IMMP2L: variants seen among roughly 807,000 people sequenced by gnomAD.
The protein encoded by IMMP2L is mitochondrial inner membrane protease subunit 2.
A neutral mutation model predicts 19.3 loss-of-function variants in IMMP2L; 18 were observed. The observed-to-expected ratio is 0.93, with a 90% CI of 0.64 to 1.38. The LOEUF is 1.38. IMMP2L is among the 40% of genes most tolerant of loss of function. IMMP2L has a pLI of 0.00. For missense variants in IMMP2L, 233 were observed against 218.2 expected, an observed-to-expected ratio of 1.07 and a Z score of -0.43; for synonymous variants, 76 against 73.0, an observed-to-expected ratio of 1.04 and a Z score of -0.21.
At chr7:111,326,027 CTG>C (rs1339410464) in intron 3 of IMMP2L, among the ~76,000 whole-genome samples, 2 of 151,662 alleles carry the variant, frequency 1.3e-5, no homozygotes, top group Non-Finnish European at 2.9e-5. Flanking sequence ...GTAAAACATG[CTG>C]TGTTTAAATT....
intron 3 of IMMP2L, among the ~76,000 whole-genome samples, chr7:111,447,766 T>C (rs985818785): frequency 6.6e-6 from 1 of 151,518 alleles, no homozygotes; most frequent in Non-Finnish European, 1.5e-5. Flanking sequence ...GACTGGCAAG[T>C]TGGATAAAGA....
chr7:110,986,107 T>C (rs1463099097), intron 3 of IMMP2L, among the ~76,000 whole-genome samples: 2 of 152,210 alleles, frequency 1.3e-5, no homozygotes, highest in South Asian at 2.1e-4. Context: ...TAGATGTGCG[T>C]TGGCAAATCC....
At chr7:110,825,962 A>G (rs1431189072) in intron 5 of IMMP2L, among the ~76,000 whole-genome samples, 1 of 152,204 alleles carries the variant, frequency 6.6e-6, no homozygotes, top group East Asian at 1.9e-4. Context: ...TATATCCAGA[A>G]TCTAGAAAGT....
intron 3 of IMMP2L, among the ~76,000 whole-genome samples, chr7:111,174,474 C>T (rs1029545758): frequency 6.6e-6 from 1 of 151,668 alleles, no homozygotes; most frequent in African/African-American, 2.4e-5. Context: ...ATATTTTCAG[C>T]TCCTACCTCA....
At chr7:111,316,041 G>A (rs1280854898) in intron 3 of IMMP2L, among the ~76,000 whole-genome samples, 3 of 152,030 alleles carry the variant, frequency 2.0e-5, no homozygotes, top group East Asian at 1.9e-4. Flanking sequence ...CTACAATCCT[G>A]TACAGCATGT....
chr7:110,681,373 A>G (rs933290653), intron 5 of IMMP2L, among the ~76,000 whole-genome samples: 1 of 152,052 alleles, frequency 6.6e-6, no homozygotes, highest in African/African-American at 2.4e-5. Flanking sequence ...TACCCTAGGG[A>G]AAAGTGAGGT....
chr7:111,141,543 C>T lies in IMMP2L; in HGVS notation c.240-177978G>A, dbSNP rs576880201. Among the ~76,000 whole-genome samples the T allele has an allele frequency of 7.3e-5, 11 of 151,724 alleles. No individual in the cohort carries two copies. The East Asian group carries it at 2.1e-3, about 29-fold the overall frequency. ...TCTATCTACCTACAATAATTTATTCCCAAACTGTCTATAGAATTATAAATC... is the reference window on the plus strand; with the variant it reads ...TCTATCTACCTACAATAATTTATTCTCAAACTGTCTATAGAATTATAAATC... On this transcript the variant is annotated intron_variant, in intron 3 of 5. Coordinates refer to ENST00000405709, the MANE Select transcript of IMMP2L (RefSeq NM_032549.4).
chr7:111,548,025 C>G (rs1174480284), intron 1 of IMMP2L, among the ~76,000 whole-genome samples: 1 of 151,934 alleles, frequency 6.6e-6, no homozygotes, highest in East Asian at 1.9e-4. Flanking sequence ...CCTGGCCCAT[C>G]CTGCTTTCAA....
At chr7:111,142,332 A>T (rs887010526) in intron 3 of IMMP2L, among the ~76,000 whole-genome samples, 2 of 68,194 alleles carry the variant, frequency 2.9e-5, no homozygotes, top group African/African-American at 1.1e-4. Context: ...TCTCAAAAAA[A>T]AAAAAAAAAA....
In IMMP2L at chr7:111,518,530, T is replaced by C. The variant is rs555169739; in HGVS notation, c.135+2783A>G. On this transcript the variant is annotated intron_variant, in intron 2 of 5. Transcript: ENST00000405709. ...AGAGATCTCCACACCATGCCAACTA[T>C]TTCAGTCCTTGAGTCATTAGAGAAA... Among the ~76,000 whole-genome samples the C allele has an allele frequency of 4.6e-4, 70 of 152,132 alleles. 1 individual carries two copies. Among genetic ancestry groups the C allele is most frequent in the Non-Finnish European group, 7.9e-4 (54 of 68,010 alleles).
chr7:111,155,546 T>A (rs546079998), intron 3 of IMMP2L, among the ~76,000 whole-genome samples: 2 of 152,120 alleles, frequency 1.3e-5, no homozygotes, highest in African/African-American at 4.8e-5. Context: ...TCAATAAAAA[T>A]TTTTTCACTA....
intron 3 of IMMP2L, among the ~76,000 whole-genome samples, chr7:111,283,970 CAAAAAAAAA>C (rs972346409): frequency 6.2e-5 from 3 of 48,618 alleles, no homozygotes; most frequent in Non-Finnish European, 8.6e-5. Context: ...GACTCCGTCT[CAAAAAAAAA>C]AAAAAAAAAA....
At chr7:111,550,009 A>C (rs878876674) in intron 1 of IMMP2L, among the ~76,000 whole-genome samples, 2 of 152,030 alleles carry the variant, frequency 1.3e-5, no homozygotes, top group Admixed American at 1.3e-4. Context: ...AACTGATTCA[A>C]ACTGCCCTCA....
At chr7:111,299,070 G>A (rs1034194083) in intron 3 of IMMP2L, among the ~76,000 whole-genome samples, 3 of 152,082 alleles carry the variant, frequency 2.0e-5, no homozygotes, top group African/African-American at 7.2e-5. Flanking sequence ...CTCACTATTT[G>A]TCTTGAATTA....
intron 3 of IMMP2L, among the ~76,000 whole-genome samples, chr7:111,130,621 C>G (rs1801755752): frequency 6.6e-6 from 1 of 152,014 alleles, no homozygotes; most frequent in Non-Finnish European, 1.5e-5. Context: ...CCTCTTAATC[C>G]TCACATTGAG....
At chr7:111,105,850 A>C (rs1798491735) in intron 3 of IMMP2L, among the ~76,000 whole-genome samples, 1 of 151,910 alleles carries the variant, frequency 6.6e-6, no homozygotes, top group African/African-American at 2.4e-5. Flanking sequence ...CTTTTATAGC[A>C]TCCCCACTTT....
chr7:111,287,989 T>C (rs1820681503), intron 3 of IMMP2L, among the ~76,000 whole-genome samples: 1 of 152,194 alleles, frequency 6.6e-6, no homozygotes, highest in Non-Finnish European at 1.5e-5. Context: ...AATAATGAAA[T>C]GCCTTGCATA....
In IMMP2L at chr7:110,705,301, T is replaced by A. The variant is rs1736186533; in HGVS notation, c.409-41580A>T. On this transcript the variant is annotated intron_variant, in intron 5 of 5. Coordinates refer to ENST00000405709, the MANE Select transcript of IMMP2L (RefSeq NM_032549.4). ...TTCTAGTATACTAGAATGTTTTAGG[T>A]GAACAAAGAGTAAACACATGATTAT... Among the ~76,000 whole-genome samples the A allele has an allele frequency of 3.9e-5, 6 of 152,018 alleles. No homozygotes were observed. The South Asian group carries it at 1.2e-3, about 32-fold the overall frequency.
intron 3 of IMMP2L, among the ~76,000 whole-genome samples, chr7:111,287,356 A>AGGG (rs1820604607): frequency 1.3e-5 from 2 of 152,194 alleles, no homozygotes; most frequent in Admixed American, 1.3e-4. Context: ...TCAGGAAAAC[A>AGGG]TCTGCAAACC....
Sources: gnomAD v4.1 joint callset for allele counts (sites outside exome capture counted in the v4.1 genomes callset) on GRCh38, gnomAD v4.1.1 for gene constraint, MANE v1.5 for transcripts, NCBI Gene and HGNC (gene_info 2026-07-23, HGNC 2026-07-21) for gene names.